PDE1C: variants seen among roughly 807,000 people sequenced by gnomAD.
PDE1C encodes dual specificity calcium/calmodulin-dependent 3',5'-cyclic nucleotide phosphodiesterase 1C.
PDE1C carries 62 observed loss-of-function variants against 93.1 expected under a neutral mutation model. The ratio of observed to expected loss-of-function variants is 0.67; its 90% CI spans 0.54 to 0.82. PDE1C has a LOEUF of 0.82. PDE1C is among the 40% of genes least tolerant of loss of function. The pLI, the probability that PDE1C is intolerant of heterozygous loss-of-function variation, is 0.00. For synonymous variants in PDE1C, 325 were observed against 310.1 expected, an observed-to-expected ratio of 1.05 and a Z score of -0.50; for missense variants, 742 against 884.6, an observed-to-expected ratio of 0.84 and a Z score of 2.04.
chr7:31,945,189 T>G (rs1213601882), intron 2 of PDE1C, among the ~76,000 whole-genome samples: 2 of 152,190 alleles, frequency 1.3e-5, no homozygotes, highest in East Asian at 3.8e-4. Context: ...CATAGGACAT[T>G]GCTGTCATTC....
At chr7:32,226,652 C>T (rs1436495227) in intron 1 of PDE1C, among the ~76,000 whole-genome samples, 1 of 152,142 alleles carries the variant, frequency 6.6e-6, no homozygotes, top group Non-Finnish European at 1.5e-5. Flanking sequence ...GTGGTCAGTG[C>T]AAAGGCCCTG....
At chr7:31,964,841 A>G (rs1417028938) in intron 2 of PDE1C, among the ~76,000 whole-genome samples, 2 of 152,246 alleles carry the variant, frequency 1.3e-5, no homozygotes, top group Admixed American at 6.5e-5. Flanking sequence ...ATACCCAGGC[A>G]AACAGGGTCT....
intron 1 of PDE1C, among the ~76,000 whole-genome samples, chr7:32,313,853 A>G (rs1378704028): frequency 6.6e-6 from 1 of 152,028 alleles, no homozygotes; most frequent in Non-Finnish European, 1.5e-5. Context: ...ATGTATATGT[A>G]TGTAACAAAC....
At chr7:32,158,805 G>A (rs74481726) in intron 3 of PDE1C, among the ~76,000 whole-genome samples, 2,506 of 152,198 alleles carry the variant, frequency 0.016, 80 homozygotes, top group African/African-American at 0.057. Context: ...GGAGAGCTCC[G>A]AAGATTTCTG....
intron 1 of PDE1C, among the ~76,000 whole-genome samples, chr7:32,292,667 A>C (rs1266971508): frequency 6.6e-6 from 1 of 152,200 alleles, no homozygotes; most frequent in Non-Finnish European, 1.5e-5. Flanking sequence ...GATTTGAACC[A>C]CAAGTGTCTG....
intron 6 of PDE1C, among the ~76,000 whole-genome samples, chr7:31,869,868 C>A (rs1056259105): frequency 1.3e-5 from 2 of 151,784 alleles, no homozygotes; most frequent in African/African-American, 4.8e-5. Flanking sequence ...TGTTAGGACA[C>A]AAAATAAGTC....
chr7:32,175,203 G>A (rs1048757194), intron 2 of PDE1C, among the ~76,000 whole-genome samples: 11 of 152,134 alleles, frequency 7.2e-5, no homozygotes, highest in Non-Finnish European at 1.5e-4. Context: ...AAAAAGGCTA[G>A]AAAACAATAT....
the PDE1C span, among the ~76,000 whole-genome samples, chr7:31,675,045 A>G: frequency 6.6e-6 from 1 of 152,214 alleles, no homozygotes; most frequent in African/African-American, 2.4e-5. Context: ...TTCTGCATCA[A>G]GCAAGACCAT....
chr7:32,387,310 AT>A (rs1165690765), intron 1 of PDE1C, among the ~76,000 whole-genome samples: 2 of 151,672 alleles, frequency 1.3e-5, no homozygotes, highest in Non-Finnish European at 2.9e-5. Flanking sequence ...CGATTTCTCA[AT>A]TTTTTCCCCA....
intron 1 of PDE1C, among the ~76,000 whole-genome samples, chr7:32,068,287 G>A (rs1795634788): frequency 6.6e-6 from 1 of 152,184 alleles, no homozygotes; most frequent in Admixed American, 6.5e-5. Context: ...GGACGGCAAA[G>A]TGTTATTCCA....
chr7:32,342,563 T>C lies in PDE1C; in HGVS notation c.310+85259A>G, dbSNP rs561045368. 2.6e-5 allele frequency among the ~76,000 whole-genome samples: 4 copies of C among 152,340 alleles called. No homozygotes were observed. In the East Asian group the frequency reaches 5.8e-4, roughly 22 times the overall value. On this transcript the variant is annotated intron_variant, in intron 1 of 1. Transcript: ENST00000672256. ...ACAAATACATAATCTTGCCTTGCTT[T>C]TAAAAGATAATCAGGCATTATATAA...
At chr7:31,992,793 C>T (rs1342581837) in intron 2 of PDE1C, among the ~76,000 whole-genome samples, 2 of 151,992 alleles carry the variant, frequency 1.3e-5, no homozygotes, top group Non-Finnish European at 2.9e-5. Flanking sequence ...CATGCTGAAC[C>T]CTTATTGTTC....
chr7:32,205,980 G>A (rs536141847), intron 2 of PDE1C, among the ~76,000 whole-genome samples: 1 of 152,184 alleles, frequency 6.6e-6, no homozygotes, highest in Non-Finnish European at 1.5e-5. Context: ...TTTCATTTTT[G>A]AAGTCAGCGA....
the PDE1C span, among the ~76,000 whole-genome samples, chr7:31,697,610 G>A: frequency 2.0e-5 from 3 of 152,064 alleles, no homozygotes; most frequent in Admixed American, 6.5e-5. Flanking sequence ...GTCTGTAAAG[G>A]AGCTGCTCTG....
chr7:32,402,643 T>C (rs1315730689), intron 1 of PDE1C, among the ~76,000 whole-genome samples: 1 of 152,140 alleles, frequency 6.6e-6, no homozygotes, highest in Admixed American at 6.5e-5. Flanking sequence ...CCAGAAATAA[T>C]GTTTTACCAG....
At chr7:31,967,998 T>C (rs1275180464) in intron 2 of PDE1C, among the ~76,000 whole-genome samples, 1 of 152,162 alleles carries the variant, frequency 6.6e-6, no homozygotes, top group Non-Finnish European at 1.5e-5. Flanking sequence ...CCACAGCCAA[T>C]ATCATACTGA....
intron 1 of PDE1C, among the ~76,000 whole-genome samples, chr7:32,225,497 G>A (rs969000793): frequency 2.6e-5 from 4 of 152,128 alleles, no homozygotes; most frequent in African/African-American, 7.2e-5. Flanking sequence ...TCCAATACAT[G>A]AGAAGTCCAG....
intron 1 of PDE1C, among the ~76,000 whole-genome samples, chr7:32,376,712 A>G (rs1430252707): frequency 1.3e-5 from 2 of 151,860 alleles, no homozygotes; most frequent in Non-Finnish European, 1.5e-5. Flanking sequence ...TTTTGAGACC[A>G]AGTCTCACTC....
chr7:32,243,382 A>G (rs994907705), intron 1 of PDE1C, among the ~76,000 whole-genome samples: 18 of 152,160 alleles, frequency 1.2e-4, no homozygotes, highest in African/African-American at 4.3e-4. Context: ...GCTTGGGGTG[A>G]TGCTTGTGAG....
Sources: gnomAD v4.1 joint callset for allele counts (sites outside exome capture counted in the v4.1 genomes callset) on GRCh38, gnomAD v4.1.1 for gene constraint, MANE v1.5 for transcripts, NCBI Gene and HGNC (gene_info 2026-07-23, HGNC 2026-07-21) for gene names.